FNDC1: variants seen among roughly 807,000 people sequenced by gnomAD.
The protein encoded by FNDC1 is fibronectin type III domain containing 1.
A neutral mutation model predicts 168.0 loss-of-function variants in FNDC1; 96 were observed. The observed-to-expected ratio is 0.57, with a 90% confidence interval of 0.48 to 0.68. The LOEUF (loss-of-function observed/expected upper bound fraction) is 0.68, where lower values mean the gene tolerates loss of function less well. Ranked by LOEUF, FNDC1 falls within the 30% of genes least tolerant of loss-of-function variation. The pLI is 0.00. For missense variants in FNDC1, 2,587 were observed against 2,482.1 expected, an observed-to-expected ratio of 1.04 and a Z score of -0.90; for synonymous variants, 1,099 against 1,025.9, an observed-to-expected ratio of 1.07 and a Z score of -1.36.
intron 3 of FNDC1, 35 bp from the exon 4 acceptor site, chr6:159,200,478 G>A (rs926648230): frequency 1.1e-5 from 17 of 1,535,230 alleles, no homozygotes; most frequent in Middle Eastern, 1.7e-4. Flanking sequence ...AACAGTCCTC[G>A]TTTCTAACTA....
At chr6:159,181,195 C>A (rs188202425) in intron 1 of FNDC1, among the ~76,000 whole-genome samples, 1 of 152,304 alleles carries the variant, frequency 6.6e-6, no homozygotes, top group East Asian at 1.9e-4. Flanking sequence ...GAGATGGTAT[C>A]TCATTGTGGT....
Position 159,232,999 on chromosome 6 carries a change from G to T in FNDC1, c.2487G>T (p.Gly829=). 1 of 1,612,580 alleles carries T rather than the reference G, an allele frequency of 6.2e-7. No homozygotes were observed. Among genetic ancestry groups the T allele is most frequent in the Non-Finnish European group, 8.5e-7 (1 of 1,179,674 alleles). The part of the protein sequence containing the change: ...LLRHKPFAAN[G]RSPSRFSIGR... ...GACACAAACCCTTTGCTGCCAACGGGAGGTCTCCAAGCAGGTTCAGCATTG... is the reference window on the plus strand; with the variant it reads ...GACACAAACCCTTTGCTGCCAACGGTAGGTCTCCAAGCAGGTTCAGCATTG... Residue 829 remains glycine (G), a synonymous_variant, in exon 11 of 23, where the codon GGG becomes GGT. Coordinates refer to ENST00000297267, the MANE Select transcript of FNDC1 (RefSeq NM_032532.3). This position sits in a 1 kb window ranked among gnomAD's most constrained non-coding sequence, Gnocchi z 4.9.
rs1285708913 is a variant in FNDC1, at chr6:159,239,634, C to T, written c.4298C>T (p.Pro1433Leu). The T allele has an allele frequency of 5.1e-6, 8 of 1,558,904 alleles. No individual in the cohort carries two copies. The highest frequency in any genetic ancestry group is 2.7e-5 in the African/African-American group (2 of 73,522). Residue 1433 changes from proline (P) to leucine (L), a missense_variant, in exon 14 of 23, where the codon CCG becomes CTG. Transcript: ENST00000297267. ...DKPILSLGGK[P>L]LVGLEVIKKT... is the part of the protein sequence containing the mutation. ...CCAATTTTGAGTCTTGGAGGAAAGC[C>T]GCTGGTGGGCTTGGAGGTCATCAAA...
chr6:159,249,253 A>G (rs1371776266), intron 16 of FNDC1, 71 bp downstream of exon 16: 28 of 1,451,540 alleles, frequency 1.9e-5, no homozygotes, highest in Middle Eastern at 1.8e-4. Flanking sequence ...AACATTACTA[A>G]TCTTTTGGCC....
chr6:159,262,127 C>T (rs1777499857), intron 19 of FNDC1, among the ~76,000 whole-genome samples: 1 of 152,064 alleles, frequency 6.6e-6, no homozygotes, highest in Non-Finnish European at 1.5e-5. Flanking sequence ...GTTCCTATGA[C>T]CTATGGTCTA....
At chr6:159,192,515 C>T (rs1782162934) in intron 1 of FNDC1, among the ~76,000 whole-genome samples, 1 of 152,180 alleles carries the variant, frequency 6.6e-6, no homozygotes, top group South Asian at 2.1e-4. Flanking sequence ...TATTTTCGTC[C>T]ACCATGGATA....
At chr6:159,208,844 A>ATTT (rs369408600) in intron 4 of FNDC1, among the ~76,000 whole-genome samples, 5,100 of 128,046 alleles carry the variant, frequency 0.04, 404 homozygotes, top group African/African-American at 0.13. Context: ...GTTATTTTTA[A>ATTT]TTTTTTTTTT....
In FNDC1 at chr6:159,234,141, G is replaced by A; in HGVS notation, c.3629G>A (p.Arg1210Lys). 6.2e-7 allele frequency: 1 copy of A among 1,602,082 alleles called. No individual in the cohort carries two copies. The change falls in exon 11 of 23, where the codon AGG (arginine) becomes AAG (lysine). Residue 1210 changes from arginine (R) to lysine (K), a missense_variant. By Grantham distance (26) the Arg-to-Lys change is conservative (BLOSUM62 2). Transcript: ENST00000297267. ...AAGTGGCCCTCTTCCTCCACTCCCA[G>A]GGGCGGCAAAGACGCCGATGGGAGC... ...VPKWPSSSTP[R>K]GGKDADGSLA...
chr6:159,210,680 G>A (rs1782582789), intron 4 of FNDC1, among the ~76,000 whole-genome samples: 1 of 152,194 alleles, frequency 6.6e-6, no homozygotes, highest in Non-Finnish European at 1.5e-5. Context: ...GTGGATGCAG[G>A]CTCGGGTGGC....
intron 17 of FNDC1, among the ~76,000 whole-genome samples, chr6:159,252,000 C>T (rs1583912912): frequency 6.6e-6 from 1 of 152,178 alleles, no homozygotes; most frequent in Non-Finnish European, 1.5e-5. Flanking sequence ...GCCTCTGCCT[C>T]TTTCTCTCCT....
intron 18 of FNDC1, among the ~76,000 whole-genome samples, chr6:159,260,299 G>A (rs1777456925): frequency 6.6e-6 from 1 of 152,266 alleles, no homozygotes. Flanking sequence ...ATGTGGTGTT[G>A]GTCTTTATTA....
rs1403829576 is a variant in FNDC1, at chr6:159,233,686, G to C, written c.3174G>C (p.Ala1058=). Residue 1058 remains alanine (A), a synonymous_variant, in exon 11 of 23, where the codon GCG becomes GCC. Transcript: ENST00000297267. The surrounding 1 kb of genome is among the most constrained non-coding windows in gnomAD (Gnocchi z 4.6). ...ACTCCTCCTCGGACCCTTACACGGCGAGCTCCAGAGGGATGCTCCCCACGG... is the reference window on the plus strand; with the variant it reads ...ACTCCTCCTCGGACCCTTACACGGCCAGCTCCAGAGGGATGCTCCCCACGG... ...RSHSSSDPYT[A]SSRGMLPTAL... is the part of the protein sequence containing the mutation. The C allele has an allele frequency of 1.3e-6, 2 of 1,549,364 alleles. No homozygotes were observed. Among genetic ancestry groups the C allele is most frequent in the East Asian group, 4.9e-5 (2 of 40,890 alleles).
chr6:159,187,726 A>G (rs944350222), intron 1 of FNDC1, among the ~76,000 whole-genome samples: 2 of 152,220 alleles, frequency 1.3e-5, no homozygotes, highest in Non-Finnish European at 2.9e-5. Context: ...ATATTTGCCA[A>G]ATATAATTCC....
At position 159,239,822 on chromosome 6, in the gene FNDC1, C is replaced by T. The variant is rs377571503; in HGVS notation, c.4486C>T (p.Arg1496Trp). 1.4e-4 allele frequency: 224 copies of T among 1,546,448 alleles called. 1 individual carries two copies. Among genetic ancestry groups the T allele is most frequent in the South Asian group, 4.2e-4 (35 of 83,786 alleles). The part of the protein sequence containing the change: ...RPTTTVRTTT[R>W]TTTTTTPTPT... ...AACAACCACAGTCCGAACCACTACG[C>T]GGACAACCACCACCACCACCCCCAC... The change falls in exon 14 of 23, where the codon CGG (arginine) becomes TGG (tryptophan). Residue 1496 changes from arginine to tryptophan, a missense_variant. Arg to Trp is a moderately radical substitution (Grantham distance 101, BLOSUM62 -3). Transcript: ENST00000297267.
intron 5 of FNDC1, among the ~76,000 whole-genome samples, chr6:159,219,497 GC>G (rs1782777295): frequency 6.6e-6 from 1 of 152,084 alleles, no homozygotes; most frequent in Non-Finnish European, 1.5e-5. Context: ...GTTATTGAGA[GC>G]CAGGCTTTGG....
At chr6:159,267,125 A>C (rs1359182970) in intron 21 of FNDC1, among the ~76,000 whole-genome samples, 2 of 152,000 alleles carry the variant, frequency 1.3e-5, no homozygotes, top group Non-Finnish European at 2.9e-5. Context: ...GTTAGTAGTG[A>C]TCATTTAAAA....
intron 22 of FNDC1, among the ~76,000 whole-genome samples, chr6:159,269,503 C>CATCCATGCATCCATCT (rs1562316112): frequency 0.022 from 2,320 of 107,346 alleles, 77 homozygotes; most frequent in Middle Eastern, 0.046. Context: ...TCTATCTATC[C>CATCCATGCATCCATCT]ATCCATCCAT....
At chr6:159,222,621 A>G (rs1371991738) in intron 6 of FNDC1, among the ~76,000 whole-genome samples, 3 of 152,226 alleles carry the variant, frequency 2.0e-5, no homozygotes, top group Non-Finnish European at 4.4e-5. Flanking sequence ...GATATGTTCT[A>G]TTGATAACAA....
In FNDC1 at chr6:159,202,693, T is replaced by C. The variant is rs967452294; in HGVS notation, c.460+2112T>C. Among the ~76,000 whole-genome samples, 3 of 152,356 alleles carry C rather than the reference T, an allele frequency of 2.0e-5. No individual in the cohort carries two copies. The South Asian group carries it at 6.2e-4, about 32-fold the overall frequency. ...TTTGCAGGCTTACAGCTATCTCAAC[T>C]GAATTGTCTTTACCTAAAAATAGGA... On this transcript the variant is annotated intron_variant, in intron 4 of 22. Coordinates refer to ENST00000297267, the MANE Select transcript of FNDC1 (RefSeq NM_032532.3).
Sources: gnomAD v4.1 joint callset for allele counts (sites outside exome capture counted in the v4.1 genomes callset) on GRCh38, gnomAD v4.1.1 for gene constraint, Gnocchi (gnomAD v3.1) non-coding constraint, MANE v1.5 for transcripts, NCBI Gene and HGNC (gene_info 2026-07-23, HGNC 2026-07-21) for gene names.